The following SH2D2A variants were observed in gnomAD, a reference collection of about 807,000 sequenced individuals.
SH2D2A encodes SH2 domain containing 2A.
SH2D2A carries 33 observed loss-of-function variants against 43.6 expected under a neutral mutation model. The ratio of observed to expected loss-of-function variants is 0.76; its 90% CI spans 0.57 to 1.01. The LOEUF (loss-of-function observed/expected upper bound fraction) is 1.01. SH2D2A is among the 50% of genes least tolerant of loss of function. SH2D2A has a pLI of 0.00. For missense variants in SH2D2A, 491 were observed against 503.1 expected, an observed-to-expected ratio of 0.98 and a Z score of 0.23; for synonymous variants, 212 against 206.1, an observed-to-expected ratio of 1.03 and a Z score of -0.25.
chr1:156,809,925 A>C lies in SH2D2A; in HGVS notation c.568-118T>G. 8.3e-7 allele frequency: 1 copy of C among 1,211,170 alleles called. No individual in the cohort carries two copies. Among genetic ancestry groups the C allele is most frequent in the South Asian group, 1.4e-5 (1 of 74,022 alleles). The allele number at this position is 1,211,170 out of a possible 1,614,324, so 75.0% of individuals were successfully genotyped here. On this transcript the variant is annotated intron_variant, in intron 5 of 8. Transcript: ENST00000368199. The surrounding 1 kb of genome is among the most constrained non-coding windows in gnomAD (Gnocchi z 4.8). ...ATGGGGGAAGGGGGAGGAGCACAGA[A>C]ATTTGGCCTGGGCTGGGTTCCCTGG...
Position 156,815,072 on chromosome 1 carries a change from T to A in SH2D2A, c.273A>T (p.Ala91=). The change falls in exon 3 of 9, where the codon GCA becomes GCT. Residue 91 remains alanine (A), a synonymous_variant. Transcript: ENST00000368199. ...TGAAGCCATGGAACCAGGCAGGGGC[T>A]GCCCCGTGCTGCAGGAGCCAGTGGG... ...TQAHWLLQHG[A]APAWFHGFIT... is the part of the protein sequence containing the mutation. 6.3e-7 allele frequency: 1 copy of A among 1,599,806 alleles called. No individual in the cohort carries two copies. Among genetic ancestry groups the A allele is most frequent in the Non-Finnish European group, 8.5e-7 (1 of 1,172,794 alleles).
chr1:156,809,408 C>G lies in SH2D2A; in HGVS notation c.797G>C (p.Arg266Pro), dbSNP rs1413638444. 6.2e-7 allele frequency: 1 copy of G among 1,613,620 alleles called. No homozygotes were observed. The highest frequency in any genetic ancestry group is 8.5e-7 in the Non-Finnish European group (1 of 1,180,010). The change falls in exon 7 of 9, where the codon CGA (arginine) becomes CCA (proline). Residue 266 changes from arginine (R) to proline (P), a missense_variant. Transcript: ENST00000368199. This position sits in a 1 kb window ranked among gnomAD's most constrained non-coding sequence, Gnocchi z 4.8. ...CTTGGGGCGTGGGGCCGGGCGGTGT[C>G]GTGGAACAGGGATTGTGTAGACTTC... ...PPEVYTIPVP[R>P]HRPAPRPKPS...
In SH2D2A at chr1:156,809,091, C is replaced by T. The variant is rs1013756711; in HGVS notation, c.1002+112G>A. On this transcript the variant is annotated intron_variant, in intron 7 of 8. Transcript: ENST00000368199. The surrounding 1 kb of genome is among the most constrained non-coding windows in gnomAD (Gnocchi z 4.8). ...TCTGTTCTTCCCACATCACCTCACA[C>T]CTCTGCCCCTTACCCTGCCCCAGGC... 6 of 1,129,838 alleles carry T rather than the reference C, an allele frequency of 5.3e-6. No homozygotes were observed. The Admixed American group carries it at 8.8e-5, about 17-fold the overall frequency. 70.0% of individuals were successfully genotyped at this position (1,129,838 alleles called of 1,614,324 possible). A position where few individuals can be genotyped will look rare whatever the true frequency, so the allele number is the denominator to read the frequency against.
At chr1:156,816,154 T>C (rs1246702751) in intron 1 of SH2D2A, 60 bp from the exon 2 acceptor site, 4 of 1,537,628 alleles carry the variant, frequency 2.6e-6, no homozygotes, top group Non-Finnish European at 3.5e-6. Context: ...TGTCTCTGCC[T>C]CCCACCCCTC....
Position 156,813,865 on chromosome 1 carries a change from C to T in SH2D2A, c.550G>A (p.Glu184Lys), listed in dbSNP as rs779033248. 1 of 1,504,688 alleles carries T rather than the reference C, an allele frequency of 6.6e-7. No individual in the cohort carries two copies. The highest frequency in any genetic ancestry group is 8.9e-7 in the Non-Finnish European group (1 of 1,127,636). 93.2% of individuals were successfully genotyped at this position (1,504,688 alleles called of 1,614,324 possible). ...GCGCGTACCTGTCGGGCGAGGGGCTCGGTGAGCGTCTCCCCGTAGGGGCTG... is the reference window on the plus strand; with the variant it reads ...GCGCGTACCTGTCGGGCGAGGGGCTTGGTGAGCGTCTCCCCGTAGGGGCTG... ...PLSPYGETLT[E>K]PLARQTPEPA... is the part of the protein sequence containing the mutation. The change falls in exon 5 of 9, where the codon GAG becomes AAG. Residue 184 changes from glutamate (E) to lysine (K), a missense_variant. Transcript: ENST00000368199.
intron 7 of SH2D2A, among the ~76,000 whole-genome samples, chr1:156,808,507 C>T (rs1653140646): frequency 6.6e-6 from 1 of 151,998 alleles, no homozygotes; most frequent in African/African-American, 2.4e-5. Context: ...TCAGGCTGAG[C>T]AGGGAGCCTG....
At position 156,809,723 on chromosome 1, in the gene SH2D2A, G is replaced by C. The variant is rs369176946; in HGVS notation, c.652C>G (p.Pro218Ala). Residue 218 changes from proline (P) to alanine (A), a missense_variant, in exon 6 of 9, where the codon CCA becomes GCA. By Grantham distance (27) the Pro-to-Ala change is conservative. Transcript: ENST00000368199. The surrounding 1 kb of genome is among the most constrained non-coding windows in gnomAD (Gnocchi z 4.8). ...GGGGCTTGCCCCTGTTTGATGATTGGGCTGTACTGGGGGTTTGGGTCCTGG... is the reference window on the plus strand; with the variant it reads ...GGGGCTTGCCCCTGTTTGATGATTGCGCTGTACTGGGGGTTTGGGTCCTGG... Reference protein sequence around the residue: ...KSQDPNPQYSPIIKQGQAPVP... With the variant: ...KSQDPNPQYSAIIKQGQAPVP... 3.7e-5 allele frequency: 60 copies of C among 1,613,910 alleles called. No homozygotes were observed. Among genetic ancestry groups the C allele is most frequent in the Non-Finnish European group, 4.2e-6 (5 of 1,180,000 alleles).
intron 2 of SH2D2A, chr1:156,815,595 G>A: frequency 3.1e-6 from 2 of 636,240 alleles, no homozygotes; most frequent in Non-Finnish European, 2.9e-6. Context: ...CCAGAATGAG[G>A]GAGGGCTTAC....
At chr1:156,815,595 G>T (rs1381839979) in intron 2 of SH2D2A, 2 of 636,240 alleles carry the variant, frequency 3.1e-6, no homozygotes, top group Admixed American at 4.6e-5. Context: ...CCAGAATGAG[G>T]GAGGGCTTAC....
chr1:156,815,868 T>C (rs1304347449), intron 2 of SH2D2A, 138 bp downstream of exon 2: 1 of 1,614,018 alleles, frequency 6.2e-7, no homozygotes, highest in East Asian at 2.2e-5. Context: ...TCTCTCTCTG[T>C]GCCCCAGCCC....
At chr1:156,812,120 C>T (rs550963816) in intron 5 of SH2D2A, among the ~76,000 whole-genome samples, 209 of 152,210 alleles carry the variant, frequency 1.4e-3, no homozygotes, top group Admixed American at 2.0e-3. Flanking sequence ...CTCATCCAAT[C>T]CCACAAAAAC....
chr1:156,814,024 G>A lies in SH2D2A; in HGVS notation c.399-8C>T. The A allele has an allele frequency of 1.3e-6, 2 of 1,501,170 alleles. No homozygotes were observed. The highest frequency in any genetic ancestry group is 5.0e-5 in the East Asian group (2 of 40,306). The allele number at this position is 1,501,170 out of a possible 1,614,324, so 93.0% of individuals were successfully genotyped here. On this transcript the variant is annotated splice_region_variant and splice_polypyrimidine_tract_variant and intron_variant, in intron 4 of 8. Transcript: ENST00000368199. ...CGGCAGCAAGTCCGGCTCCTGGAGGGCGCCGTTAGGGATCAGACTATCTCC... is the reference window on the plus strand; with the variant it reads ...CGGCAGCAAGTCCGGCTCCTGGAGGACGCCGTTAGGGATCAGACTATCTCC...
At chr1:156,808,097 A>C (rs1653098088) in intron 7 of SH2D2A, among the ~76,000 whole-genome samples, 1 of 152,134 alleles carries the variant, frequency 6.6e-6, no homozygotes, top group African/African-American at 2.4e-5. Context: ...GTTTGCAGTG[A>C]GCTATGATTG....
chr1:156,811,524 C>T (rs1653420374), intron 5 of SH2D2A, among the ~76,000 whole-genome samples: 1 of 152,160 alleles, frequency 6.6e-6, no homozygotes, highest in African/African-American at 2.4e-5. Context: ...TTCCCTACGC[C>T]CTGTGAATCT....
At position 156,814,300 on chromosome 1, in the gene SH2D2A, G is replaced by T. The variant is rs867098151; in HGVS notation, c.309-6C>A. The T allele has an allele frequency of 3.1e-6, 5 of 1,612,974 alleles. No individual in the cohort carries two copies. In the Middle Eastern group the frequency reaches 8.3e-4, roughly 266 times the overall value. On this transcript the variant is annotated splice_polypyrimidine_tract_variant and splice_region_variant and intron_variant, in intron 3 of 8. Coordinates refer to ENST00000368199, the MANE Select transcript of SH2D2A (RefSeq NM_003975.4). ...CCAGCAGCCTCTCTGCCTCCCTGTG[G>T]GTGACGGAGAGAGGGGGCCGAACCC...
At chr1:156,810,710 T>C (rs1360779293) in intron 5 of SH2D2A, among the ~76,000 whole-genome samples, 1 of 152,068 alleles carries the variant, frequency 6.6e-6, no homozygotes, top group Non-Finnish European at 1.5e-5. Context: ...TTAGTAGAGA[T>C]GGAGTTTTGC....
At position 156,807,276 on chromosome 1, in the gene SH2D2A, G is replaced by GC; in HGVS notation, c.1071dup (p.Pro358AlafsTer15). 1 of 1,587,162 alleles carries GC rather than the reference G, an allele frequency of 6.3e-7. No homozygotes were observed. The highest frequency in any genetic ancestry group is 1.8e-5 in the Admixed American group (1 of 56,326). On this transcript the variant is annotated frameshift_variant, in exon 8 of 9. Transcript: ENST00000368199. LOFTEE classifies it high-confidence loss of function. This position sits in a 1 kb window ranked among gnomAD's most constrained non-coding sequence, Gnocchi z 5.1. ...AGGGTGTGTCTCCAGGCGGGTGGGGGCTGGTGGGGCAGGGGAGGGCCTTGC... is the reference window on the plus strand; with the variant it reads ...AGGGTGTGTCTCCAGGCGGGTGGGGGCCTGGTGGGGCAGGGGAGGGCCTTGC...
At position 156,809,772 on chromosome 1, in the gene SH2D2A, T is replaced by G; in HGVS notation, c.603A>C (p.Glu201Asp). ...PEPAGLSLRT[E>D]ESNFGSKSQD... ...GGCTTTTGCTTCCAAAGTTTGATTC[T>G]TCGGTCCTCAGGGAAAGTCCTGCAG... The change falls in exon 6 of 9, where the codon GAA becomes GAC. Residue 201 changes from glutamate to aspartate, a missense_variant. Coordinates refer to ENST00000368199, the MANE Select transcript of SH2D2A (RefSeq NM_003975.4). This position sits in a 1 kb window ranked among gnomAD's most constrained non-coding sequence, Gnocchi z 4.8. 2 of 1,613,902 alleles carry G rather than the reference T, an allele frequency of 1.2e-6. No homozygotes were observed. Among genetic ancestry groups the G allele is most frequent in the Non-Finnish European group, 1.7e-6 (2 of 1,179,872 alleles).
At position 156,816,105 on chromosome 1, in the gene SH2D2A, A is replaced by C. The variant is rs1442098100; in HGVS notation, c.35-11T>G. On this transcript the variant is annotated splice_polypyrimidine_tract_variant and intron_variant, in intron 1 of 8. Transcript: ENST00000368199. ...GGGCTTCGTGACTCCCTGTGAGCACAAAGAGGGCTGCCGGGGTTTCTCAGA... is the reference window on the plus strand; with the variant it reads ...GGGCTTCGTGACTCCCTGTGAGCACCAAGAGGGCTGCCGGGGTTTCTCAGA... 1 of 1,609,572 alleles carries C rather than the reference A, an allele frequency of 6.2e-7. No individual in the cohort carries two copies. The highest frequency in any genetic ancestry group is 8.5e-7 in the Non-Finnish European group (1 of 1,177,850).
Sources: gnomAD v4.1 joint callset for allele counts (sites outside exome capture counted in the v4.1 genomes callset) on GRCh38, gnomAD v4.1.1 for gene constraint, Gnocchi (gnomAD v3.1) non-coding constraint, MANE v1.5 for transcripts, NCBI Gene and HGNC (gene_info 2026-07-23, HGNC 2026-07-21) for gene names.